The following RBSN variants were observed in gnomAD, a reference collection of about 807,000 sequenced individuals.
RBSN encodes rabenosyn-5.
In RBSN, 34 loss-of-function variants were observed where a neutral mutation model predicts 60.5. The ratio of observed to expected loss-of-function variants is 0.56; its 90% CI spans 0.43 to 0.75. The LOEUF is 0.75. Among genes scored for constraint, RBSN ranks in the 30% least tolerant of loss-of-function variants. The pLI, the probability that RBSN is intolerant of heterozygous loss-of-function variation, is 0.00. For missense variants in RBSN, 845 were observed against 986.8 expected, an observed-to-expected ratio of 0.86 and a Z score of 1.92; for synonymous variants, 322 against 366.9, an observed-to-expected ratio of 0.88 and a Z score of 1.40.
chr3:15,095,159 C>T (rs745652863), intron 4 of RBSN, among the ~76,000 whole-genome samples: 25 of 151,880 alleles, frequency 1.6e-4, no homozygotes, highest in Admixed American at 3.3e-4. Flanking sequence ...GGACTACAGG[C>T]GTGCACCATC....
At chr3:15,086,573 T>C (rs1000573030) in intron 5 of RBSN, among the ~76,000 whole-genome samples, 1 of 152,212 alleles carries the variant, frequency 6.6e-6, no homozygotes. Flanking sequence ...CTTCACAGAG[T>C]TGTTAACGAT....
intron 5 of RBSN, among the ~76,000 whole-genome samples, chr3:15,086,928 C>T (rs905142684): frequency 6.6e-6 from 1 of 152,164 alleles, no homozygotes; most frequent in Non-Finnish European, 1.5e-5. Context: ...AACATATTGT[C>T]CTCAACCCTC....
rs202108673 is a variant in RBSN at position 15,084,964 on chromosome 3, A to T, written c.436+36T>A. ...GAGAGCTTTGGTCAGGGAAAAAAAG[A>T]TAATAAGATGAATGTGAGCAAAGTT... On this transcript the variant is annotated intron_variant, in intron 7 of 13. Transcript: ENST00000253699. This position sits in a 1 kb window ranked among gnomAD's most constrained non-coding sequence, Gnocchi z 4.2. The T allele has an allele frequency of 4.5e-5, 72 of 1,614,156 alleles. 1 individual carries two copies. The Middle Eastern group carries it at 2.1e-3, about 48-fold the overall frequency.
At chr3:15,090,297 T>G (rs920059152) in intron 5 of RBSN, 102 bp downstream of exon 5, 8 of 1,302,506 alleles carry the variant, frequency 6.1e-6, no homozygotes, top group Non-Finnish European at 8.5e-6. Context: ...GCTTAGACCA[T>G]TATGGTTTAC....
chr3:15,074,099 T>A lies in RBSN; in HGVS notation c.2038A>T (p.Ile680Phe), dbSNP rs768698835. ...EEEAVAGNPF[I>F]QPDSPAPNPF... ...TTAGGAGCTGGGCTGTCTGGCTGAA[T>A]GAATGGATTCCCTGCCACTGCTTCC... is the stretch of plus-strand genomic sequence containing the variant. The change falls in exon 14 of 14, where the codon ATT (isoleucine) becomes TTT (phenylalanine). Residue 680 changes from isoleucine (I) to phenylalanine (F), a missense_variant. Coordinates refer to ENST00000253699, the MANE Select transcript of RBSN (RefSeq NM_022340.4). This position sits in a 1 kb window ranked among gnomAD's most constrained non-coding sequence, Gnocchi z 6.4. The A allele has an allele frequency of 1.0e-4, 167 of 1,613,940 alleles. No individual in the cohort carries two copies. Among genetic ancestry groups the A allele is most frequent in the Admixed American group, 4.0e-4 (24 of 59,972 alleles).
At chr3:15,087,937 ACCAT>A (rs1037894162) in intron 5 of RBSN, among the ~76,000 whole-genome samples, 2 of 152,140 alleles carry the variant, frequency 1.3e-5, no homozygotes, top group African/African-American at 2.4e-5. Context: ...TATACTCTTA[ACCAT>A]CCACATGTCT....
At position 15,082,801 on chromosome 3, in the gene RBSN, C is replaced by T. The variant is rs2043239532; in HGVS notation, c.599-193G>A. Among the ~76,000 whole-genome samples, 1 of 152,182 alleles carries T rather than the reference C, an allele frequency of 6.6e-6. No homozygotes were observed. The highest frequency in any genetic ancestry group is 1.5e-5 in the Non-Finnish European group (1 of 68,042). The stretch of plus-strand genomic sequence containing the variant: ...AGAAAGGACTCCACTGCTGCCCCTC[C>T]AAATCCAAACAGCCTTCCCTTTCCA... On this transcript the variant is annotated intron_variant, in intron 8 of 13. Coordinates refer to ENST00000253699, the MANE Select transcript of RBSN (RefSeq NM_022340.4). The surrounding 1 kb of genome is among the most constrained non-coding windows in gnomAD (Gnocchi z 4.2).
chr3:15,082,309 TAACA>T lies in RBSN; in HGVS notation c.840+54_840+57del, dbSNP rs2125165561. ...TCTCCAGAATCTGCAGGAGTGTACATAACAAACAGCCAAATCTGCCTAAGAAATT... is the reference window on the plus strand; with the variant it reads ...TCTCCAGAATCTGCAGGAGTGTACATAACAGCCAAATCTGCCTAAGAAATT... On this transcript the variant is annotated intron_variant, in intron 9 of 13. Coordinates refer to ENST00000253699, the MANE Select transcript of RBSN (RefSeq NM_022340.4). The surrounding 1 kb of genome is among the most constrained non-coding windows in gnomAD (Gnocchi z 4.2). The T allele has an allele frequency of 1.9e-6, 3 of 1,587,136 alleles. No individual in the cohort carries two copies. Among genetic ancestry groups the T allele is most frequent in the Non-Finnish European group, 1.7e-6 (2 of 1,160,184 alleles).
chr3:15,079,785 A>G (rs1440150862), intron 10 of RBSN, among the ~76,000 whole-genome samples: 2 of 152,232 alleles, frequency 1.3e-5, no homozygotes, highest in Non-Finnish European at 2.9e-5. Flanking sequence ...GGGAAAGGGC[A>G]GTGGCTGCTA....
intron 9 of RBSN, 115 bp from the exon 10 acceptor site, chr3:15,080,917 ATTG>A (rs1024085256): frequency 7.2e-6 from 6 of 830,440 alleles, no homozygotes; most frequent in Non-Finnish European, 9.6e-6. Context: ...TAACACATTA[ATTG>A]TTGTTATCAA....
chr3:15,073,927 T>G lies in RBSN; in HGVS notation c.2210A>C (p.Glu737Ala), dbSNP rs752003726. Reference protein sequence around the residue: ...GPEAEEPIEEELLLQQIDNIK... With the variant: ...GPEAEEPIEEALLLQQIDNIK... Reference sequence around the variant, plus strand: ...GTTATCGATCTGCTGCAGGAGGAGCTCTTCCTCTATGGGCTCCTCAGCCTC... The same window carrying G: ...GTTATCGATCTGCTGCAGGAGGAGCGCTTCCTCTATGGGCTCCTCAGCCTC... Residue 737 changes from glutamate (E) to alanine (A), a missense_variant, in exon 14 of 14, where the codon GAG becomes GCG. By Grantham distance (107) the Glu-to-Ala change is moderately radical (BLOSUM62 -1). Coordinates refer to ENST00000253699, the MANE Select transcript of RBSN (RefSeq NM_022340.4). The G allele has an allele frequency of 1.2e-6, 2 of 1,614,028 alleles. No homozygotes were observed. The highest frequency in any genetic ancestry group is 1.7e-6 in the Non-Finnish European group (2 of 1,180,006).
At chr3:15,096,333 T>A in intron 3 of RBSN, 45 bp from the exon 4 acceptor site, 1 of 457,478 alleles carries the variant, frequency 2.2e-6, no homozygotes, top group Non-Finnish European at 3.8e-6. Context: ...TCAGGCAAAC[T>A]GGTAGCAATT....
intron 4 of RBSN, 193 bp downstream of exon 4, chr3:15,095,780 C>A: frequency 1.4e-6 from 1 of 700,112 alleles, no homozygotes. Flanking sequence ...TACAGCCACA[C>A]AGTTATTGTG....
intron 13 of RBSN, 143 bp from the exon 14 acceptor site, chr3:15,075,073 A>C: frequency 1.0e-6 from 1 of 997,224 alleles, no homozygotes; most frequent in Non-Finnish European, 1.4e-6. Flanking sequence ...CCAACTGCTA[A>C]AATCAAGTCA....
At position 15,082,782 on chromosome 3, in the gene RBSN, GACT is replaced by G. The variant is rs1458401151; in HGVS notation, c.599-177_599-175del. 6.6e-6 allele frequency among the ~76,000 whole-genome samples: 1 copy of G among 152,142 alleles called. No individual in the cohort carries two copies. Among genetic ancestry groups the G allele is most frequent in the Non-Finnish European group, 1.5e-5 (1 of 68,032 alleles). ...CTGGTGTCAGACTCTGGTGAGAAAG[GACT>G]CCACTGCTGCCCCTCCAAATCCAAA... On this transcript the variant is annotated intron_variant, in intron 8 of 13. Coordinates refer to ENST00000253699, the MANE Select transcript of RBSN (RefSeq NM_022340.4). This position sits in a 1 kb window ranked among gnomAD's most constrained non-coding sequence, Gnocchi z 4.2.
At chr3:15,075,804 C>G in intron 12 of RBSN, 94 bp from the exon 13 acceptor site, 2 of 992,164 alleles carry the variant, frequency 2.0e-6, no homozygotes, top group Non-Finnish European at 3.2e-6. Flanking sequence ...AGCTGAGCCA[C>G]TCTGTTCTCA....
rs1235783186 is a variant in RBSN at position 15,082,202 on chromosome 3, C to T, written c.840+165G>A. Among the ~76,000 whole-genome samples, 4 of 152,176 alleles carry T rather than the reference C, an allele frequency of 2.6e-5. No individual in the cohort carries two copies. Among genetic ancestry groups the T allele is most frequent in the Non-Finnish European group, 5.9e-5 (4 of 68,032 alleles). On this transcript the variant is annotated intron_variant, in intron 9 of 13. Coordinates refer to ENST00000253699, the MANE Select transcript of RBSN (RefSeq NM_022340.4). The surrounding 1 kb of genome is among the most constrained non-coding windows in gnomAD (Gnocchi z 4.2). Reference sequence around the variant, plus strand: ...ACACACCCAGGATGACTCTGACTCACACAGGGCCCTAGCTGGGAAATCATA... The same window carrying T: ...ACACACCCAGGATGACTCTGACTCATACAGGGCCCTAGCTGGGAAATCATA...
intron 10 of RBSN, among the ~76,000 whole-genome samples, chr3:15,078,371 A>AGATTCATGCCAAGGCCTCCAAGGACT (rs1314742905): frequency 2.6e-5 from 4 of 152,200 alleles, no homozygotes; most frequent in African/African-American, 9.7e-5. Context: ...CAACAGGGAC[A>AGATTCATGCCAAGGCCTCCAAGGACT]GATTCATGCC....
rs1222988901 is a variant in RBSN at position 15,070,644 on chromosome 3, C to T, written c.*3138G>A. ...CTCTGTAACTCCAACTTTGTGCCTGCATGAATTCTGCGACATGGTACAGCT... is the reference window on the plus strand; with the variant it reads ...CTCTGTAACTCCAACTTTGTGCCTGTATGAATTCTGCGACATGGTACAGCT... On this transcript the variant is annotated 3_prime_UTR_variant, in exon 14 of 14. Transcript: ENST00000253699. 6.6e-6 allele frequency: 1 copy of T among 152,626 alleles called. No individual in the cohort carries two copies. The highest frequency in any genetic ancestry group is 1.9e-4 in the East Asian group (1 of 5,192). The allele number at this position is 152,626 out of a possible 1,614,324, so 9.5% of individuals were successfully genotyped here.
Sources: allele counts gnomAD v4.1 joint callset (sites outside exome capture counted in the v4.1 genomes callset), GRCh38; gene constraint gnomAD v4.1.1; non-coding constraint Gnocchi (gnomAD v3.1); transcripts MANE v1.5; gene names NCBI Gene and HGNC (gene_info 2026-07-23, HGNC 2026-07-21).